LRCH1: variants seen among roughly 807,000 people sequenced by gnomAD.
The protein encoded by LRCH1 is leucine-rich repeat and calponin homology domain-containing protein 1.
A neutral mutation model predicts 94.9 loss-of-function variants in LRCH1; 23 were observed. The ratio of observed to expected loss-of-function variants is 0.24; its 90% CI spans 0.17 to 0.34. The LOEUF is 0.34. LRCH1 is among the 10% of genes least tolerant of loss of function. The probability of loss-of-function intolerance (pLI) is 1.00; values close to 1 mark genes in which losing one functional copy is unlikely to be tolerated. For missense variants in LRCH1, 790 were observed against 945.9 expected (o/e 0.84, Z 2.16); for synonymous variants, 364 against 354.9 (o/e 1.03, Z -0.29).
chr13:46,609,842 A>C (rs772887225), intron 1 of LRCH1, among the ~76,000 whole-genome samples: 5 of 152,212 alleles, frequency 3.3e-5, no homozygotes, highest in Admixed American at 6.5e-5. Flanking sequence ...CGGGGACCAG[A>C]TGGAGCCTGG....
At chr13:46,565,812 A>AAGTAAT (rs111417920) in intron 1 of LRCH1, among the ~76,000 whole-genome samples, 2 of 140,146 alleles carry the variant, frequency 1.4e-5, no homozygotes, top group African/African-American at 5.2e-5. Context: ...TCTGTCTCCA[A>AAGTAAT]AATAATAATA....
intron 18 of LRCH1, among the ~76,000 whole-genome samples, chr13:46,731,197 T>A (rs886862072): frequency 1.1e-4 from 17 of 151,884 alleles, no homozygotes; most frequent in East Asian, 3.9e-4. Context: ...AGTAATTTTT[T>A]AAATGTATTA....
intron 17 of LRCH1, among the ~76,000 whole-genome samples, chr13:46,723,594 A>G (rs1410727452): frequency 6.6e-6 from 1 of 152,178 alleles, no homozygotes; most frequent in African/African-American, 2.4e-5. Context: ...TAAGTCCAGG[A>G]GTTTGAGACC....
intron 19 of LRCH1, among the ~76,000 whole-genome samples, chr13:46,738,758 G>A (rs1873513342): frequency 6.6e-6 from 1 of 152,096 alleles, no homozygotes; most frequent in African/African-American, 2.4e-5. Context: ...CAGGTTCATT[G>A]TTTTACTAAC....
At chr13:46,611,298 C>T (rs1388656279) in intron 1 of LRCH1, among the ~76,000 whole-genome samples, 2 of 152,166 alleles carry the variant, frequency 1.3e-5, no homozygotes, top group Non-Finnish European at 2.9e-5. Flanking sequence ...TGGGCCTGAG[C>T]TGTGACAGCT....
chr13:46,633,135 A>G (rs1218052686), intron 1 of LRCH1, among the ~76,000 whole-genome samples: 1 of 152,220 alleles, frequency 6.6e-6, no homozygotes, highest in Admixed American at 6.5e-5. Context: ...CTAAATGTGA[A>G]CTTTAAAAAT....
chr13:46,574,314 A>T (rs1039086644), intron 1 of LRCH1, among the ~76,000 whole-genome samples: 2 of 152,286 alleles, frequency 1.3e-5, no homozygotes, highest in Non-Finnish European at 2.9e-5. Context: ...CCCCATAAAT[A>T]TATATACCTA....
chr13:46,570,519 A>G (rs1393241182), intron 1 of LRCH1, among the ~76,000 whole-genome samples: 1 of 152,222 alleles, frequency 6.6e-6, no homozygotes, highest in African/African-American at 2.4e-5. Flanking sequence ...TTCTGCCCCT[A>G]GAGATGCTCC....
chr13:46,637,882 G>T lies in LRCH1; in HGVS notation c.308-12319G>T, dbSNP rs149110024. On this transcript the variant is annotated intron_variant, in intron 1 of 19. Coordinates refer to ENST00000389797, the MANE Select transcript of LRCH1 (RefSeq NM_001164211.2). The stretch of plus-strand genomic sequence containing the variant: ...CCCACTGCTTAGAACTATTTCTGGC[G>T]CATAGTAGGTACACAGCAAGTATTC... Among the ~76,000 whole-genome samples, 554 of 152,256 alleles carry T rather than the reference G, an allele frequency of 3.6e-3. 7 individuals are homozygous for T. Among genetic ancestry groups the T allele is most frequent in the African/African-American group, 0.012 (488 of 41,528 alleles).
chr13:46,713,463 A>G (rs1872172247), intron 15 of LRCH1, among the ~76,000 whole-genome samples: 1 of 152,230 alleles, frequency 6.6e-6, no homozygotes, highest in Non-Finnish European at 1.5e-5. Context: ...ATATTTTGCA[A>G]AAAGGCACCC....
At chr13:46,715,503 G>T in intron 15 of LRCH1, 57 bp from the exon 16 acceptor site, 1 of 923,044 alleles carries the variant, frequency 1.1e-6, no homozygotes, top group South Asian at 1.4e-5. Context: ...CTGCCCCTTT[G>T]GTTTTTCCTG....
rs906350152 is a variant in LRCH1 at position 46,638,072 on chromosome 13, G to A, written c.308-12129G>A. Among the ~76,000 whole-genome samples the A allele has an allele frequency of 3.3e-5, 5 of 152,116 alleles. No homozygotes were observed. The East Asian group carries it at 5.8e-4, about 18-fold the overall frequency. ...TTGCTTCAAACGATATCTTTGAGTC[G>A]TTTCCAAGAAGGATGTATAGATGAA... On this transcript the variant is annotated intron_variant, in intron 1 of 19. Coordinates refer to ENST00000389797, the MANE Select transcript of LRCH1 (RefSeq NM_001164211.2).
intron 1 of LRCH1, among the ~76,000 whole-genome samples, chr13:46,616,595 A>C (rs2050811536): frequency 6.6e-6 from 1 of 152,260 alleles, no homozygotes; most frequent in South Asian, 2.1e-4. Flanking sequence ...AAAAAACAGG[A>C]GTAAACAATC....
chr13:46,682,332 C>A (rs2138143651), intron 4 of LRCH1, among the ~76,000 whole-genome samples: 1 of 152,200 alleles, frequency 6.6e-6, no homozygotes, highest in African/African-American at 2.4e-5. Context: ...CCTCTTCTTA[C>A]AAGGACACCA....
chr13:46,680,095 A>T (rs2051731310), intron 3 of LRCH1: 1 of 152,194 alleles, frequency 6.6e-6, no homozygotes, highest in Admixed American at 6.5e-5. Flanking sequence ...TCAAAAGTAA[A>T]GCGGGATATT....
chr13:46,736,678 C>G (rs2050945), intron 19 of LRCH1, among the ~76,000 whole-genome samples: 137,807 of 152,260 alleles, frequency 0.91, 63,627 homozygotes, highest in Non-Finnish European at 1. Flanking sequence ...AAAATATTCA[C>G]TGATTTCCTA....
intron 1 of LRCH1, among the ~76,000 whole-genome samples, chr13:46,571,084 A>G (rs956297785): frequency 1.3e-5 from 2 of 152,224 alleles, no homozygotes; most frequent in Admixed American, 6.5e-5. Context: ...TTACCCTTCA[A>G]AGTAACTAGG....
intron 1 of LRCH1, among the ~76,000 whole-genome samples, chr13:46,588,648 T>C (rs2050462459): frequency 6.9e-6 from 1 of 144,680 alleles, no homozygotes; most frequent in Admixed American, 7.1e-5. Context: ...TCACCCAGGC[T>C]GGAATGCAGT....
chr13:46,711,328 C>T (rs1872050868), intron 13 of LRCH1, among the ~76,000 whole-genome samples: 1 of 152,156 alleles, frequency 6.6e-6, no homozygotes, highest in Non-Finnish European at 1.5e-5. Flanking sequence ...CCAAAGTAAT[C>T]TGATGTTGAA....
Sources: allele counts gnomAD v4.1 joint callset (sites outside exome capture counted in the v4.1 genomes callset), GRCh38; gene constraint gnomAD v4.1.1; transcripts MANE v1.5; gene names NCBI Gene and HGNC (gene_info 2026-07-23, HGNC 2026-07-21).